Variants in IDO2 observed in about 807,000 individuals in gnomAD.
IDO2 encodes indoleamine 2,3-dioxygenase 2.
Under a neutral mutation model 45.1 loss-of-function variants are expected in IDO2, and 46 were observed. That is an observed-to-expected ratio of 1.02 (90% CI 0.80 to 1.30). The LOEUF is 1.30. IDO2 is among the 50% of genes most tolerant of loss of function. The probability of loss-of-function intolerance (pLI) is 0.00; values close to 1 mark genes in which losing one functional copy is unlikely to be tolerated. For synonymous variants in IDO2, 218 were observed against 184.9 expected (o/e 1.18, Z -1.45); for missense variants, 544 against 491.8 (o/e 1.11, Z -1.00).
At chr8:39,987,850 T>C (rs1324673087) in intron 6 of IDO2, 21 bp from the exon 7 acceptor site, 5 of 1,450,918 alleles carry the variant, frequency 3.4e-6, no homozygotes, top group Non-Finnish European at 4.8e-6. Context: ...CCTCTAATCA[T>C]GTGCTCCTCT....
At chr8:40,004,217 C>T (rs887004887) in intron 8 of IDO2, among the ~76,000 whole-genome samples, 3 of 152,096 alleles carry the variant, frequency 2.0e-5, no homozygotes, top group South Asian at 4.2e-4. Context: ...GTGACACCAC[C>T]AAGGAGCATC....
chr8:39,988,037 C>T, intron 7 of IDO2, 67 bp downstream of exon 7: 2 of 880,032 alleles, frequency 2.3e-6, no homozygotes, highest in Non-Finnish European at 3.6e-6. Flanking sequence ...CACTCAGTGC[C>T]TTTCCTGCAG....
intron 2 of IDO2, among the ~76,000 whole-genome samples, chr8:39,960,105 G>A (rs1404317100): frequency 6.6e-6 from 1 of 151,974 alleles, no homozygotes; most frequent in Non-Finnish European, 1.5e-5. Context: ...TGAATTATGG[G>A]TAATGTATAG....
chr8:39,970,925 C>CA (rs1348970608), intron 3 of IDO2, among the ~76,000 whole-genome samples: 31 of 151,820 alleles, frequency 2.0e-4, no homozygotes, highest in Non-Finnish European at 4.0e-4. Context: ...TGCCACCATG[C>CA]CCAGCTAATT....
intron 8 of IDO2, chr8:39,998,288 C>A (rs545619630): frequency 6.6e-6 from 1 of 152,272 alleles, no homozygotes; most frequent in East Asian, 1.9e-4. Flanking sequence ...GTGACATGTG[C>A]AATCAGAAAA....
At chr8:39,984,907 T>C (rs1276678495) in intron 5 of IDO2, 1 of 436,700 alleles carries the variant, frequency 2.3e-6, no homozygotes, top group Non-Finnish European at 4.5e-6. Context: ...TACAAAAATG[T>C]AAGATGAGTG....
At chr8:39,968,062 C>T (rs1808118302) in intron 3 of IDO2, among the ~76,000 whole-genome samples, 2 of 138,068 alleles carry the variant, frequency 1.4e-5, no homozygotes, top group African/African-American at 5.9e-5. Flanking sequence ...TTTATAACAG[C>T]TTTATTCATA....
At chr8:39,982,075 GT>G (rs1808361189) in intron 4 of IDO2, among the ~76,000 whole-genome samples, 1 of 152,008 alleles carries the variant, frequency 6.6e-6, no homozygotes. Flanking sequence ...TCATACCTAG[GT>G]GCACACACAG....
intron 2 of IDO2, among the ~76,000 whole-genome samples, chr8:39,956,165 T>G (rs1274311309): frequency 2.0e-5 from 3 of 150,308 alleles, no homozygotes; most frequent in Non-Finnish European, 4.4e-5. Flanking sequence ...CTCAAGAGAG[T>G]CTCTCGACTC....
intron 1 of IDO2, among the ~76,000 whole-genome samples, chr8:39,939,349 C>A (rs1225979306): frequency 1.3e-5 from 2 of 151,036 alleles, no homozygotes; most frequent in African/African-American, 4.9e-5. Context: ...GAGTTGGAGA[C>A]CAGCCTTGCC....
chr8:39,982,829 C>T (rs1808374350), intron 5 of IDO2, 59 bp downstream of exon 5: 1 of 1,120,810 alleles, frequency 8.9e-7, no homozygotes, highest in South Asian at 1.5e-5. Flanking sequence ...AACACCCAGG[C>T]TTTTTTTTAT....
intron 7 of IDO2, among the ~76,000 whole-genome samples, chr8:39,989,190 C>T (rs894918860): frequency 1.3e-5 from 2 of 152,050 alleles, no homozygotes; most frequent in Non-Finnish European, 2.9e-5. Context: ...CTGCCAAACA[C>T]TTTTATACAA....
intron 4 of IDO2, among the ~76,000 whole-genome samples, chr8:39,980,971 C>G (rs891693935): frequency 2.6e-5 from 4 of 151,716 alleles, no homozygotes. Flanking sequence ...AGGCTGATCT[C>G]GAACTCCTGA....
chr8:39,943,874 G>A (rs1807690270), intron 1 of IDO2, among the ~76,000 whole-genome samples: 1 of 151,914 alleles, frequency 6.6e-6, no homozygotes, highest in South Asian at 2.1e-4. Context: ...AGTACTTTAA[G>A]TCCTAGCCAG....
chr8:40,000,301 T>G (rs1358972978), intron 8 of IDO2, among the ~76,000 whole-genome samples: 2 of 151,814 alleles, frequency 1.3e-5, no homozygotes, highest in African/African-American at 4.8e-5. Context: ...TCCTAGTTAC[T>G]CAGGAAGCTG....
At chr8:39,955,050 T>A (rs1404824458) in intron 2 of IDO2, among the ~76,000 whole-genome samples, 1 of 151,140 alleles carries the variant, frequency 6.6e-6, no homozygotes, top group Non-Finnish European at 1.5e-5. Flanking sequence ...TCAATGTACC[T>A]CCTTCAAGGG....
intron 1 of IDO2, among the ~76,000 whole-genome samples, chr8:39,937,916 A>G (rs1049041723): frequency 2.9e-4 from 44 of 152,326 alleles, no homozygotes; most frequent in African/African-American, 1.0e-3. Context: ...TCAACATAAC[A>G]TTGCTTGTAG....
intron 8 of IDO2, among the ~76,000 whole-genome samples, chr8:39,993,565 A>T (rs2129594913): frequency 6.6e-6 from 1 of 152,254 alleles, no homozygotes; most frequent in African/African-American, 2.4e-5. Context: ...AGTTCACTTG[A>T]TTTCATGGAA....
intron 3 of IDO2, among the ~76,000 whole-genome samples, chr8:39,967,462 C>A (rs1808104531): frequency 6.6e-6 from 1 of 151,998 alleles, no homozygotes; most frequent in Non-Finnish European, 1.5e-5. Context: ...CGACTGTTTA[C>A]CTGTAATGCT....
Sources: allele counts gnomAD v4.1 joint callset (sites outside exome capture counted in the v4.1 genomes callset), GRCh38; gene constraint gnomAD v4.1.1; transcripts MANE v1.5; gene names NCBI Gene and HGNC (gene_info 2026-07-23, HGNC 2026-07-21).